The following EYS variants were observed in gnomAD, a reference collection of about 807,000 sequenced individuals.
EYS encodes protein eyes shut homolog.
Under a neutral mutation model 282.1 loss-of-function variants are expected in EYS, and 250 were observed. The observed-to-expected ratio is 0.89, with a 90% confidence interval of 0.80 to 0.98. The LOEUF (loss-of-function observed/expected upper bound fraction) is 0.98. EYS is among the 50% of genes least tolerant of loss of function. EYS has a pLI of 0.00. For missense variants in EYS, 4,016 were observed against 3,709.0 expected, an observed-to-expected ratio of 1.08 and a Z score of -2.15; for synonymous variants, 1,355 against 1,282.9, an observed-to-expected ratio of 1.06 and a Z score of -1.20.
At chr6:65,339,026 G>T (rs1389606288) in intron 10 of EYS, among the ~76,000 whole-genome samples, 1 of 151,112 alleles carries the variant, frequency 6.6e-6, no homozygotes, top group Non-Finnish European at 1.5e-5. Context: ...ACTTGGCAAA[G>T]GACTCTGTGG....
At chr6:64,904,525 A>T (rs1168622526) in intron 16 of EYS, among the ~76,000 whole-genome samples, 1 of 152,152 alleles carries the variant, frequency 6.6e-6, no homozygotes, top group Non-Finnish European at 1.5e-5. Flanking sequence ...TTTTCAAAAG[A>T]TGTTTAATTC....
At chr6:63,847,418 C>A (rs1772127674) in intron 36 of EYS, among the ~76,000 whole-genome samples, 1 of 152,072 alleles carries the variant, frequency 6.6e-6, no homozygotes, top group Non-Finnish European at 1.5e-5. Context: ...TTTCTCTTTT[C>A]TCTCCTCCTT....
intron 29 of EYS, among the ~76,000 whole-genome samples, chr6:64,379,932 A>G (rs930571411): frequency 6.6e-6 from 1 of 152,152 alleles, no homozygotes; most frequent in African/African-American, 2.4e-5. Flanking sequence ...GATTTCAAGT[A>G]ATGGTTAACA....
At chr6:64,734,837 A>G (rs574551234) in intron 22 of EYS, among the ~76,000 whole-genome samples, 95 of 152,248 alleles carry the variant, frequency 6.2e-4, no homozygotes, top group African/African-American at 2.2e-3. Flanking sequence ...TAATTTTAAT[A>G]TATCTTTTGA....
intron 12 of EYS, among the ~76,000 whole-genome samples, chr6:65,106,722 A>C (rs1405109767): frequency 2.0e-5 from 3 of 152,026 alleles, no homozygotes; most frequent in African/African-American, 7.2e-5. Flanking sequence ...CACCGTTTTT[A>C]AGGTATATCT....
intron 29 of EYS, among the ~76,000 whole-genome samples, chr6:64,316,525 C>G (rs1183524958): frequency 6.6e-6 from 1 of 152,108 alleles, no homozygotes; most frequent in Non-Finnish European, 1.5e-5. Flanking sequence ...AGGACCTCTT[C>G]AAGGTGAACT....
At chr6:65,487,800 G>A (rs1027983938) in intron 5 of EYS, among the ~76,000 whole-genome samples, 1 of 149,298 alleles carries the variant, frequency 6.7e-6, no homozygotes, top group African/African-American at 2.4e-5. Context: ...AATCCATCGG[G>A]ACCTGGACTT....
chr6:63,800,018 A>G (rs1341617206), intron 37 of EYS, among the ~76,000 whole-genome samples: 2 of 152,190 alleles, frequency 1.3e-5, no homozygotes, highest in East Asian at 3.8e-4. Context: ...TGGAACAGCA[A>G]ATATCAGCTG....
chr6:63,954,048 A>G (rs1765710815), intron 35 of EYS, among the ~76,000 whole-genome samples: 1 of 152,162 alleles, frequency 6.6e-6, no homozygotes, highest in Non-Finnish European at 1.5e-5. Context: ...TCATTTAGCC[A>G]TACTCACTCT....
chr6:65,026,121 C>A (rs1007935760), intron 13 of EYS, among the ~76,000 whole-genome samples: 1 of 152,118 alleles, frequency 6.6e-6, no homozygotes, highest in Non-Finnish European at 1.5e-5. Flanking sequence ...TTGAAAAAGA[C>A]TTCTTCAGTC....
intron 14 of EYS, among the ~76,000 whole-genome samples, chr6:64,989,610 A>C (rs1223955647): frequency 7.0e-6 from 1 of 143,546 alleles, no homozygotes; most frequent in Non-Finnish European, 1.5e-5. Context: ...ATTTAAATTA[A>C]ATAAATATAA....
In EYS at chr6:65,589,678, T is replaced by C. The variant is rs142928319; in HGVS notation, c.-333+50100A>G. Among the ~76,000 whole-genome samples, 1,088 of 152,094 alleles carry C rather than the reference T, an allele frequency of 7.2e-3. 8 individuals carry two copies. The highest frequency in any genetic ancestry group is 0.012 in the Non-Finnish European group (848 of 67,966). ...AGAATGCCTAGAAAACCAAACTAGA[T>C]TGTATACTTAAAAAAATTAAATTAA... On this transcript the variant is annotated intron_variant, in intron 2 of 42. Coordinates refer to ENST00000503581, the MANE Select transcript of EYS (RefSeq NM_001142800.2).
rs1286674240 is a variant in EYS at position 65,495,535 on chromosome 6, T to C, written c.-125A>G. The C allele has an allele frequency of 1.1e-6, 1 of 935,602 alleles. No individual in the cohort carries two copies. The highest frequency in any genetic ancestry group is 1.6e-6 in the Non-Finnish European group (1 of 608,038). The allele number at this position is 935,602 out of a possible 1,614,324, so 58.0% of individuals were successfully genotyped here. The stretch of plus-strand genomic sequence containing the variant: ...TCCTGGGAATTGGAATTGACCTTTT[T>C]TCTATACCCAAAGTAGCTTTGATGA... On this transcript the variant is annotated 5_prime_UTR_variant, in exon 4 of 43. Coordinates refer to ENST00000503581, the MANE Select transcript of EYS (RefSeq NM_001142800.2).
At chr6:64,540,747 G>T (rs1468646882) in intron 26 of EYS, among the ~76,000 whole-genome samples, 3 of 152,108 alleles carry the variant, frequency 2.0e-5, no homozygotes, top group Non-Finnish European at 4.4e-5. Context: ...GCCTCCCAAA[G>T]TGCTGGGATT....
At chr6:64,974,076 A>T (rs1489363294) in intron 14 of EYS, among the ~76,000 whole-genome samples, 1 of 151,936 alleles carries the variant, frequency 6.6e-6, no homozygotes, top group Admixed American at 6.6e-5. Context: ...AGCTTCTAAG[A>T]ATTCACAGAT....
chr6:65,339,584 A>G (rs1411143336), intron 10 of EYS, among the ~76,000 whole-genome samples: 1 of 151,246 alleles, frequency 6.6e-6, no homozygotes, highest in Non-Finnish European at 1.5e-5. Flanking sequence ...AGGGTTTGGT[A>G]CTATTCACAG....
At chr6:65,349,127 G>C (rs1353463151) in intron 9 of EYS, among the ~76,000 whole-genome samples, 3 of 151,374 alleles carry the variant, frequency 2.0e-5, no homozygotes, top group Non-Finnish European at 4.4e-5. Flanking sequence ...AATCGGAGAT[G>C]GCAGTTTTAT....
chr6:64,270,823 G>A lies in EYS; in HGVS notation c.6191+36147C>T, dbSNP rs1245726096. Among the ~76,000 whole-genome samples the A allele has an allele frequency of 3.3e-5, 5 of 152,082 alleles. No individual in the cohort carries two copies. The East Asian group carries it at 7.7e-4, about 23-fold the overall frequency. On this transcript the variant is annotated intron_variant, in intron 30 of 42. Coordinates refer to ENST00000503581, the MANE Select transcript of EYS (RefSeq NM_001142800.2). The stretch of plus-strand genomic sequence containing the variant: ...AAGCATTCCCTATTTTTGAATTTCA[G>A]TTTGCTTTCCTTTATATCTTTTGTT...
rs539931377 is a variant in EYS, at chr6:64,674,030, A to C, written c.3444-47785T>G. Among the ~76,000 whole-genome samples the C allele has an allele frequency of 2.0e-5, 3 of 152,210 alleles. No homozygotes were observed. The South Asian group carries it at 6.2e-4, about 32-fold the overall frequency. On this transcript the variant is annotated intron_variant, in intron 22 of 42. Transcript: ENST00000503581. ...ATGAAGCAGTTCACATACTTGAAAA[A>C]CCAAAAAACTTAATAAAAAATATAT...
Sources: allele counts gnomAD v4.1 joint callset (sites outside exome capture counted in the v4.1 genomes callset), GRCh38; gene constraint gnomAD v4.1.1; transcripts MANE v1.5; gene names NCBI Gene and HGNC (gene_info 2026-07-23, HGNC 2026-07-21).